SH3RF3: variants seen among roughly 807,000 people sequenced by gnomAD.
SH3RF3 encodes SH3 domain containing ring finger 3.
Under a neutral mutation model 66.3 loss-of-function variants are expected in SH3RF3, and 29 were observed. The ratio of observed to expected loss-of-function variants is 0.44; its 90% CI spans 0.33 to 0.60. SH3RF3 has a LOEUF of 0.60. SH3RF3 is among the 20% of genes least tolerant of loss of function. The probability of loss-of-function intolerance (pLI) is 0.04; values close to 1 mark genes in which losing one functional copy is unlikely to be tolerated. For synonymous variants in SH3RF3, 583 were observed against 532.0 expected (o/e 1.10, Z -1.32); for missense variants, 1,194 against 1,190.9 (o/e 1.00, Z -0.04).
chr2:109,214,729 C>T (rs1679069030), intron 1 of SH3RF3, among the ~76,000 whole-genome samples: 1 of 152,222 alleles, frequency 6.6e-6, no homozygotes, highest in African/African-American at 2.4e-5. Context: ...CCAGCTGCAA[C>T]TCTGGTGACA....
intron 2 of SH3RF3, among the ~76,000 whole-genome samples, chr2:109,367,527 C>T (rs370968009): frequency 1.3e-5 from 2 of 152,114 alleles, no homozygotes; most frequent in East Asian, 3.9e-4. Flanking sequence ...GGTGATCCAC[C>T]GACCTCGGCC....
intron 1 of SH3RF3, 84 bp from the exon 2 acceptor site, chr2:109,347,590 A>G: frequency 6.6e-7 from 1 of 1,516,122 alleles, no homozygotes; most frequent in Non-Finnish European, 8.9e-7. Context: ...AGCCCCTGAG[A>G]AGCCCCGGCC....
intron 4 of SH3RF3, among the ~76,000 whole-genome samples, chr2:109,400,325 C>T (rs1676272374): frequency 6.6e-6 from 1 of 152,002 alleles, no homozygotes; most frequent in African/African-American, 2.4e-5. Context: ...CACACATATA[C>T]CTGCACACCC....
chr2:109,369,123 T>C (rs1427970513), intron 2 of SH3RF3, among the ~76,000 whole-genome samples: 1 of 151,264 alleles, frequency 6.6e-6, no homozygotes, highest in East Asian at 1.9e-4. Context: ...GGTGGGCAGA[T>C]CACGAGGTCA....
At chr2:109,483,110 TC>T (rs1340768175) in intron 8 of SH3RF3, among the ~76,000 whole-genome samples, 1 of 152,212 alleles carries the variant, frequency 6.6e-6, no homozygotes, top group Non-Finnish European at 1.5e-5. Context: ...CCTGTGCTCT[TC>T]CAGTAACTGT....
chr2:109,358,870 A>G (rs1368229100), intron 2 of SH3RF3, among the ~76,000 whole-genome samples: 1 of 152,178 alleles, frequency 6.6e-6, no homozygotes, highest in Non-Finnish European at 1.5e-5. Context: ...ACCCAAGATC[A>G]TCTAGATTTT....
chr2:109,240,219 G>T (rs552947316), intron 1 of SH3RF3, among the ~76,000 whole-genome samples: 2 of 152,324 alleles, frequency 1.3e-5, no homozygotes, highest in South Asian at 2.1e-4. Flanking sequence ...CAGGGTTGAA[G>T]CCAGGCATGG....
At chr2:109,366,929 T>A (rs192159222) in intron 2 of SH3RF3, among the ~76,000 whole-genome samples, 171 of 152,296 alleles carry the variant, frequency 1.1e-3, no homozygotes, top group Non-Finnish European at 2.1e-3. Flanking sequence ...ATACCAGCGA[T>A]CAGGACTGGG....
intron 1 of SH3RF3, among the ~76,000 whole-genome samples, chr2:109,237,272 A>G (rs1679671003): frequency 6.6e-6 from 1 of 152,254 alleles, no homozygotes; most frequent in African/African-American, 2.4e-5. Flanking sequence ...ACAATAATTA[A>G]TGTTGGAAGA....
chr2:109,260,155 A>G (rs1385347705), intron 1 of SH3RF3, among the ~76,000 whole-genome samples: 1 of 152,176 alleles, frequency 6.6e-6, no homozygotes, highest in African/African-American at 2.4e-5. Context: ...GAATAAATGC[A>G]TTCCCGAGAC....
At chr2:109,389,476 A>G (rs1290600783) in intron 3 of SH3RF3, among the ~76,000 whole-genome samples, 1 of 152,190 alleles carries the variant, frequency 6.6e-6, no homozygotes, top group African/African-American at 2.4e-5. Flanking sequence ...AGCTACTTCC[A>G]TACCACATGG....
chr2:109,368,886 G>A (rs576694108), intron 2 of SH3RF3, among the ~76,000 whole-genome samples: 3 of 152,110 alleles, frequency 2.0e-5, no homozygotes, highest in Non-Finnish European at 2.9e-5. Flanking sequence ...ATGTGACAGC[G>A]AAGCCTTAGG....
At chr2:109,285,326 T>C (rs1254821431) in intron 1 of SH3RF3, among the ~76,000 whole-genome samples, 1 of 152,200 alleles carries the variant, frequency 6.6e-6, no homozygotes, top group African/African-American at 2.4e-5. Flanking sequence ...ATACAGGTGT[T>C]CATGGTGGGG....
chr2:109,469,904 G>A (rs934658716), intron 8 of SH3RF3, among the ~76,000 whole-genome samples: 1 of 152,150 alleles, frequency 6.6e-6, no homozygotes, highest in African/African-American at 2.4e-5. Context: ...CTTCTGTGGG[G>A]GTCTGAGCCT....
chr2:109,488,794 T>C (rs1679048987), intron 8 of SH3RF3, among the ~76,000 whole-genome samples: 1 of 152,228 alleles, frequency 6.6e-6, no homozygotes, highest in African/African-American at 2.4e-5. Context: ...GGCTGTTTCC[T>C]ATTGCTCACA....
chr2:109,272,909 C>G (rs959360886), intron 1 of SH3RF3, among the ~76,000 whole-genome samples: 5 of 152,310 alleles, frequency 3.3e-5, no homozygotes, highest in African/African-American at 9.6e-5. Context: ...CATGCCAAGA[C>G]AGTTTCCTAG....
intron 1 of SH3RF3, among the ~76,000 whole-genome samples, chr2:109,335,579 T>C (rs1182105228): frequency 1.3e-5 from 2 of 152,148 alleles, no homozygotes; most frequent in Non-Finnish European, 2.9e-5. Flanking sequence ...CTCCCCTGGT[T>C]TATGTGTCCC....
At chr2:109,364,019 T>A (rs56221225) in intron 2 of SH3RF3, among the ~76,000 whole-genome samples, 2,204 of 152,270 alleles carry the variant, frequency 0.014, 18 homozygotes, top group Non-Finnish European at 0.022. Context: ...TTTGGAGAAA[T>A]TCTCAGTTAT....
chr2:109,199,627 T>TCAACGCGAGTGCAGG, intron 1 of SH3RF3, among the ~76,000 whole-genome samples: 2 of 94 alleles, frequency 0.021, no homozygotes, highest in Admixed American at 0.071. Flanking sequence ...TGGAATGGAA[T>TCAACGCGAGTGCAGG]GGAATGGAAT....
Sources: gnomAD v4.1 joint callset for allele counts (sites outside exome capture counted in the v4.1 genomes callset) on GRCh38, gnomAD v4.1.1 for gene constraint, MANE v1.5 for transcripts, NCBI Gene and HGNC (gene_info 2026-07-23, HGNC 2026-07-21) for gene names.